CORO2B: variants seen among roughly 807,000 people sequenced by gnomAD.
CORO2B encodes coronin 2B, also known as coronin-2B.
In CORO2B, 26 loss-of-function variants were observed where a neutral mutation model predicts 58.8. The observed-to-expected ratio is 0.44, with a 90% CI of 0.32 to 0.61. CORO2B has a LOEUF of 0.61. CORO2B is among the 20% of genes least tolerant of loss of function. CORO2B has a pLI of 0.04. For missense variants in CORO2B, 460 were observed against 645.1 expected, an observed-to-expected ratio of 0.71 and a Z score of 3.11; for synonymous variants, 242 against 253.8, an observed-to-expected ratio of 0.95 and a Z score of 0.44.
intron 2 of CORO2B, among the ~76,000 whole-genome samples, chr15:68,651,245 G>A (rs1186685370): frequency 6.6e-6 from 1 of 152,192 alleles, no homozygotes; most frequent in Non-Finnish European, 1.5e-5. Context: ...TGCCGCCCAA[G>A]CCATGGCCGT....
the CORO2B span, among the ~76,000 whole-genome samples, chr15:68,537,127 G>T: frequency 0.95 from 144,061 of 152,114 alleles, 68,315 homozygotes; most frequent in East Asian, 1. Flanking sequence ...ATTCTGAAAA[G>T]TTGGTTTCTG....
At chr15:68,597,580 A>G (rs1899868394) in intron 1 of CORO2B, among the ~76,000 whole-genome samples, 1 of 151,630 alleles carries the variant, frequency 6.6e-6, no homozygotes, top group Non-Finnish European at 1.5e-5. Context: ...TCTCAAAAGC[A>G]TTGCATTTAG....
chr15:68,530,734 T>A, the CORO2B span, among the ~76,000 whole-genome samples: 1 of 152,214 alleles, frequency 6.6e-6, no homozygotes, highest in Non-Finnish European at 1.5e-5. Context: ...AGTGATATTC[T>A]TTTTTCTAAA....
At chr15:68,640,308 C>T (rs996872757) in intron 1 of CORO2B, among the ~76,000 whole-genome samples, 5 of 152,200 alleles carry the variant, frequency 3.3e-5, no homozygotes, top group East Asian at 1.9e-4. Context: ...CCTCTCCTTT[C>T]GCATGCTTTA....
At chr15:68,585,431 C>T (rs575365564) in intron 1 of CORO2B, among the ~76,000 whole-genome samples, 2 of 152,324 alleles carry the variant, frequency 1.3e-5, no homozygotes, top group East Asian at 1.9e-4. Context: ...TTACTCTGTA[C>T]AACCATGGGG....
At chr15:68,671,708 C>T (rs1902399948) in intron 2 of CORO2B, among the ~76,000 whole-genome samples, 1 of 152,218 alleles carries the variant, frequency 6.6e-6, no homozygotes, top group Non-Finnish European at 1.5e-5. Context: ...TCCCTCACAC[C>T]TGGTCTCTCC....
chr15:68,592,846 G>A (rs763974715), intron 1 of CORO2B, among the ~76,000 whole-genome samples: 16 of 152,158 alleles, frequency 1.1e-4, no homozygotes, highest in African/African-American at 2.7e-4. Context: ...TCTCAACCCC[G>A]GCTGCAAATC....
chr15:68,593,249 A>G (rs533980607), intron 1 of CORO2B, among the ~76,000 whole-genome samples: 2 of 152,362 alleles, frequency 1.3e-5, no homozygotes, highest in East Asian at 3.9e-4. Context: ...AGAGATATTC[A>G]AACCGTAGCC....
At chr15:68,529,756 A>T in the CORO2B span, among the ~76,000 whole-genome samples, 1 of 152,172 alleles carries the variant, frequency 6.6e-6, no homozygotes, top group Non-Finnish European at 1.5e-5. Context: ...ATTGATAAAA[A>T]CCTTTTTCCA....
At chr15:68,712,871 A>G (rs1312823361) in intron 5 of CORO2B, among the ~76,000 whole-genome samples, 2 of 152,124 alleles carry the variant, frequency 1.3e-5, no homozygotes, top group African/African-American at 2.4e-5. Flanking sequence ...CCAAGCAGAA[A>G]GAATGTTTAT....
intron 2 of CORO2B, among the ~76,000 whole-genome samples, chr15:68,690,829 A>G (rs901052598): frequency 6.6e-6 from 1 of 150,804 alleles, no homozygotes; most frequent in Admixed American, 6.6e-5. Flanking sequence ...TTTTTGGTAT[A>G]TTTTTTGTAA....
At position 68,725,854 on chromosome 15, in the gene CORO2B, G is replaced by A. The variant is rs1362587849; in HGVS notation, c.1323G>A (p.Met441Ile). ...TTCCTCCACCCCAGCTCCTTCGAATGTTCTTCCGGCAGCAGGATGAGATTC... is the reference window on the plus strand; with the variant it reads ...TTCCTCCACCCCAGCTCCTTCGAATATTCTTCCGGCAGCAGGATGAGATTC... ...PPRTENELLR[M>I]FFRQQDEIRR... is the part of the protein sequence containing the mutation. The change falls in exon 12 of 12, where the codon ATG becomes ATA. Residue 441 changes from methionine to isoleucine, a missense_variant. Coordinates refer to ENST00000261861, the MANE Select transcript of CORO2B (RefSeq NM_006091.5). 5.6e-6 allele frequency: 9 copies of A among 1,613,680 alleles called. No individual in the cohort carries two copies. In the Middle Eastern group the frequency reaches 6.6e-4, roughly 118 times the overall value.
At chr15:68,667,414 C>T (rs1166774942) in intron 2 of CORO2B, among the ~76,000 whole-genome samples, 2 of 152,204 alleles carry the variant, frequency 1.3e-5, no homozygotes, top group African/African-American at 4.8e-5. Context: ...CCTGTTCCTG[C>T]TTCTAGGCGA....
chr15:68,620,029 A>T (rs1900473515), intron 1 of CORO2B, among the ~76,000 whole-genome samples: 1 of 152,126 alleles, frequency 6.6e-6, no homozygotes, highest in Admixed American at 6.5e-5. Flanking sequence ...CTCCTGCCTC[A>T]GCCTCCTGAG....
At chr15:68,594,079 C>A (rs975786335) in intron 1 of CORO2B, among the ~76,000 whole-genome samples, 37 of 152,094 alleles carry the variant, frequency 2.4e-4, no homozygotes, top group African/African-American at 7.7e-4. Flanking sequence ...TGTTCTGGAT[C>A]CAAGAATAAT....
chr15:68,672,077 CCACTT>C (rs917986716), intron 2 of CORO2B, among the ~76,000 whole-genome samples: 77 of 151,994 alleles, frequency 5.1e-4, no homozygotes, highest in African/African-American at 1.7e-3. Flanking sequence ...AGATCCCACT[CCACTT>C]GTTCGCTGAG....
chr15:68,725,733 G>A (rs1893278519), intron 11 of CORO2B, 110 bp from the exon 12 acceptor site: 15 of 1,403,174 alleles, frequency 1.1e-5, no homozygotes, highest in Admixed American at 5.8e-5. Flanking sequence ...GGGAGGCCTG[G>A]GGGAATGTGA....
intron 3 of CORO2B, among the ~76,000 whole-genome samples, chr15:68,701,823 T>C (rs1567014113): frequency 1.3e-5 from 2 of 152,030 alleles, no homozygotes; most frequent in Non-Finnish European, 2.9e-5. Context: ...AGTTGCCCTA[T>C]TGTAAAATAG....
intron 11 of CORO2B, among the ~76,000 whole-genome samples, chr15:68,719,953 T>C (rs945522709): frequency 4.6e-5 from 7 of 152,218 alleles, no homozygotes; most frequent in African/African-American, 1.7e-4. Flanking sequence ...TTCCAGTCTT[T>C]GTGGAAGAGA....
Sources: allele counts gnomAD v4.1 joint callset (sites outside exome capture counted in the v4.1 genomes callset), GRCh38; gene constraint gnomAD v4.1.1; transcripts MANE v1.5; gene names NCBI Gene and HGNC (gene_info 2026-07-23, HGNC 2026-07-21).